Variants in GPC6 observed in about 807,000 individuals in gnomAD.
GPC6 encodes glypican 6.
In GPC6, 14 loss-of-function variants were observed where a neutral mutation model predicts 55.2. The observed-to-expected ratio is 0.25, with a 90% CI of 0.17 to 0.40. The LOEUF (loss-of-function observed/expected upper bound fraction) is 0.40. Among genes scored for constraint, GPC6 ranks in the 10% least tolerant of loss-of-function variants. The probability of loss-of-function intolerance (pLI) is 1.00; values close to 1 mark genes in which losing one functional copy is unlikely to be tolerated. For missense variants in GPC6, 641 were observed against 708.5 expected, an observed-to-expected ratio of 0.90 and a Z score of 1.08; for synonymous variants, 278 against 259.6, an observed-to-expected ratio of 1.07 and a Z score of -0.68.
chr13:93,350,741 C>T (rs1481980459), intron 1 of GPC6, among the ~76,000 whole-genome samples: 1 of 152,120 alleles, frequency 6.6e-6, no homozygotes, highest in Non-Finnish European at 1.5e-5. Context: ...TATATCTGGA[C>T]TATAAACCTT....
chr13:93,634,910 T>C (rs531204935), intron 2 of GPC6, among the ~76,000 whole-genome samples: 30 of 152,098 alleles, frequency 2.0e-4, no homozygotes, highest in Non-Finnish European at 3.8e-4. Context: ...CAACTTTGAG[T>C]AGGCAAAACT....
At chr13:93,426,322 G>A (rs1051817328) in intron 1 of GPC6, among the ~76,000 whole-genome samples, 1 of 151,724 alleles carries the variant, frequency 6.6e-6, no homozygotes, top group African/African-American at 2.4e-5. Flanking sequence ...TGCCATGCTG[G>A]TGTGCTGCAC....
intron 2 of GPC6, among the ~76,000 whole-genome samples, chr13:93,601,466 G>A (rs1285715739): frequency 6.6e-6 from 1 of 152,118 alleles, no homozygotes; most frequent in Non-Finnish European, 1.5e-5. Context: ...GAATAGATGA[G>A]CATTTAATCC....
chr13:94,040,835 T>C (rs17195910), intron 4 of GPC6, among the ~76,000 whole-genome samples: 20,201 of 151,910 alleles, frequency 0.13, 1,728 homozygotes, highest in South Asian at 0.2. Context: ...TAAAAAAATT[T>C]AACAATGAAT....
chr13:93,705,816 T>G (rs1399994500), intron 2 of GPC6, among the ~76,000 whole-genome samples: 1 of 90,040 alleles, frequency 1.1e-5, no homozygotes, highest in Non-Finnish European at 2.9e-5. Context: ...TCCTTTCTGT[T>G]TTTTTTTTTT....
chr13:93,839,456 T>C lies in GPC6; in HGVS notation c.711+8911T>C, dbSNP rs996769978. On this transcript the variant is annotated intron_variant, in intron 3 of 8. Coordinates refer to ENST00000377047, the MANE Select transcript of GPC6 (RefSeq NM_005708.5). ...TAGTTGTACTCAATAGGATCAGGTA[T>C]CAGGTCATGATATATTGGTTTTTAA... Among the ~76,000 whole-genome samples, 3 of 152,172 alleles carry C rather than the reference T, an allele frequency of 2.0e-5. No homozygotes were observed. The East Asian group carries it at 5.8e-4, about 29-fold the overall frequency.
At chr13:94,113,759 G>A (rs567980818) in intron 4 of GPC6, among the ~76,000 whole-genome samples, 4 of 151,968 alleles carry the variant, frequency 2.6e-5, no homozygotes, top group African/African-American at 4.8e-5. Context: ...AGTATCTCAC[G>A]CCTGCAATCC....
At chr13:93,615,764 C>A (rs935065035) in intron 2 of GPC6, among the ~76,000 whole-genome samples, 8 of 152,008 alleles carry the variant, frequency 5.3e-5, no homozygotes, top group African/African-American at 1.9e-4. Context: ...TCCACAGTGT[C>A]CCCTCACTTT....
At chr13:93,793,682 G>T (rs1402332693) in intron 2 of GPC6, among the ~76,000 whole-genome samples, 1 of 152,132 alleles carries the variant, frequency 6.6e-6, no homozygotes, top group Non-Finnish European at 1.5e-5. Context: ...CTACTTTTAT[G>T]ATGGTGATGA....
At chr13:93,228,906 G>T (rs1026322638) in intron 1 of GPC6, among the ~76,000 whole-genome samples, 1 of 152,132 alleles carries the variant, frequency 6.6e-6, no homozygotes, top group Non-Finnish European at 1.5e-5. Flanking sequence ...AGAAGTGAGG[G>T]TTTTTACTTA....
At chr13:93,971,981 G>T (rs553672751) in intron 3 of GPC6, among the ~76,000 whole-genome samples, 82 of 152,326 alleles carry the variant, frequency 5.4e-4, no homozygotes, top group African/African-American at 1.9e-3. Flanking sequence ...GCTCAGCCTG[G>T]TTGCATGACC....
chr13:93,866,820 A>T (rs1888980485), intron 3 of GPC6, among the ~76,000 whole-genome samples: 1 of 151,770 alleles, frequency 6.6e-6, no homozygotes, highest in Non-Finnish European at 1.5e-5. Context: ...AACCCCCATT[A>T]CGTATGTTTA....
chr13:93,981,036 C>T (rs1410540320), intron 3 of GPC6, among the ~76,000 whole-genome samples: 2 of 152,098 alleles, frequency 1.3e-5, no homozygotes, highest in Admixed American at 6.6e-5. Flanking sequence ...ATATTTTGTC[C>T]TCTGGCTTGA....
At chr13:94,313,348 T>C (rs2139120725) in intron 6 of GPC6, among the ~76,000 whole-genome samples, 1 of 152,348 alleles carries the variant, frequency 6.6e-6, no homozygotes, top group South Asian at 2.1e-4. Flanking sequence ...GTTGGAAACC[T>C]GGATGGAACT....
intron 4 of GPC6, among the ~76,000 whole-genome samples, chr13:94,231,238 G>A (rs1223671699): frequency 6.6e-6 from 1 of 152,128 alleles, no homozygotes; most frequent in Non-Finnish European, 1.5e-5. Flanking sequence ...GGACCCTTGG[G>A]CTGGTGTAGT....
intron 4 of GPC6, among the ~76,000 whole-genome samples, chr13:94,240,883 G>A (rs959535303): frequency 2.0e-5 from 3 of 152,234 alleles, no homozygotes; most frequent in African/African-American, 7.2e-5. Context: ...AGGGTATATT[G>A]CACAAGGGAA....
At chr13:93,287,003 C>A (rs1284527054) in intron 1 of GPC6, among the ~76,000 whole-genome samples, 1 of 152,046 alleles carries the variant, frequency 6.6e-6, no homozygotes, top group Admixed American at 6.6e-5. Context: ...TTGTTTCATG[C>A]ACAAATTATT....
chr13:94,395,695 A>G (rs1350674083), intron 7 of GPC6, among the ~76,000 whole-genome samples: 1 of 152,260 alleles, frequency 6.6e-6, no homozygotes, highest in Admixed American at 6.5e-5. Flanking sequence ...GATATTATGC[A>G]AGAATATGTA....
intron 1 of GPC6, among the ~76,000 whole-genome samples, chr13:93,264,959 C>T (rs1877275721): frequency 6.6e-6 from 1 of 152,126 alleles, no homozygotes; most frequent in African/African-American, 2.4e-5. Context: ...CATTCACCAA[C>T]ACTTTTTTTA....
Sources: allele counts gnomAD v4.1 joint callset (sites outside exome capture counted in the v4.1 genomes callset), GRCh38; gene constraint gnomAD v4.1.1; transcripts MANE v1.5; gene names NCBI Gene and HGNC (gene_info 2026-07-23, HGNC 2026-07-21).